The following GYS1 variants were observed in gnomAD, a reference collection of about 807,000 sequenced individuals.
The protein encoded by GYS1 is glycogen synthase 1, also known as glycogen [starch] synthase, muscle.
In GYS1, 60 loss-of-function variants were observed where a neutral mutation model predicts 89.1. The observed-to-expected ratio is 0.67, with a 90% CI of 0.55 to 0.84. GYS1 has a LOEUF of 0.84. Ranked by LOEUF, GYS1 falls within the 40% of genes least tolerant of loss-of-function variation. GYS1 has a pLI of 0.00. For missense variants in GYS1, 888 were observed against 1,003.1 expected, an observed-to-expected ratio of 0.89 and a Z score of 1.55; for synonymous variants, 366 against 401.7, an observed-to-expected ratio of 0.91 and a Z score of 1.06.
Position 48,968,166 on chromosome 19 carries a change from CG to C in GYS1, c.*1121del, listed in dbSNP as rs2038489010. 1 of 453,450 alleles carries C rather than the reference CG, an allele frequency of 2.2e-6. No individual in the cohort carries two copies. The highest frequency in any genetic ancestry group is 2.4e-5 in the Admixed American group (1 of 42,526). The allele number at this position is 453,450 out of a possible 1,614,324, so 28.1% of individuals were successfully genotyped here. On this transcript the variant is annotated 3_prime_UTR_variant, in exon 16 of 16. Coordinates refer to ENST00000323798, the MANE Select transcript of GYS1 (RefSeq NM_002103.5). ...AGATGTATTTTTTTCATCTCATCTC[CG>C]GACACACTCCAATCACACCCCTCCT...
intron 12 of GYS1, 21 bp downstream of exon 12, chr19:48,974,192 T>TG (rs759260559): frequency 2.4e-5 from 38 of 1,581,988 alleles, no homozygotes; most frequent in Middle Eastern, 1.9e-4. Context: ...GACCACGCTG[T>TG]CCCCTGCCCA....
In GYS1 at chr19:48,991,169, C is replaced by T. The variant is rs553157969; in HGVS notation, c.300+133G>A. On this transcript the variant is annotated intron_variant, in intron 2 of 15. Coordinates refer to ENST00000323798, the MANE Select transcript of GYS1 (RefSeq NM_002103.5). The surrounding 1 kb of genome is among the most constrained non-coding windows in gnomAD (Gnocchi z 4.7). The stretch of plus-strand genomic sequence containing the variant: ...CTGCATCTGTCTGGGTGTCCTATCA[C>T]GCCTCCTTCCTGTGTCCAAGCCTGC... The T allele has an allele frequency of 8.8e-5, 83 of 939,612 alleles. 2 individuals are homozygous for T. The highest frequency in any genetic ancestry group is 4.6e-4 in the South Asian group (33 of 72,388). 58.2% of individuals were successfully genotyped at this position (939,612 alleles called of 1,614,324 possible).
chr19:48,977,447 G>A (rs913084969), intron 10 of GYS1, among the ~76,000 whole-genome samples: 6 of 151,930 alleles, frequency 3.9e-5, no homozygotes, highest in Non-Finnish European at 8.8e-5. Flanking sequence ...ATATAAATTA[G>A]CTGGGTGTGG....
chr19:48,985,310 T>A (rs2038824344), intron 5 of GYS1, 151 bp downstream of exon 5: 3 of 766,202 alleles, frequency 3.9e-6, no homozygotes, highest in South Asian at 3.1e-5. Flanking sequence ...GTGCTGAGAT[T>A]ACAGGTGTGA....
At position 48,989,998 on chromosome 19, in the gene GYS1, T is replaced by TGGGGGGC. The variant is rs1555800112; in HGVS notation, c.300+1303_300+1304insGCCCCCC. ...TCCCAGCTGTTGTCTGCCCTTTTGC[T>TGGGGGGC]GGGGGGGGGGGGGGGCTATTCTTAG... On this transcript the variant is annotated intron_variant, in intron 2 of 15. Transcript: ENST00000323798. Among the ~76,000 whole-genome samples, 38 of 49,644 alleles carry TGGGGGGC rather than the reference T, an allele frequency of 7.7e-4. 3 individuals carry two copies. The highest frequency in any genetic ancestry group is 4.8e-3 in the South Asian group (4 of 834). 32.6% of individuals were successfully genotyped at this position (49,644 alleles called of 152,430 possible). A position where few individuals can be genotyped will look rare whatever the true frequency, so the allele number is the denominator to read the frequency against.
Position 48,970,724 on chromosome 19 carries a change from A to T in GYS1, c.1646-15T>A. On this transcript the variant is annotated splice_polypyrimidine_tract_variant and intron_variant, in intron 13 of 15. Transcript: ENST00000323798. ...AATGTAGATACCTGTGGAGGCCAGG[A>T]CCCAGGTTCAGAAAACATCCTGGGG... is the stretch of plus-strand genomic sequence containing the variant. 6.2e-7 allele frequency: 1 copy of T among 1,612,758 alleles called. No homozygotes were observed. Among genetic ancestry groups the T allele is most frequent in the Non-Finnish European group, 8.5e-7 (1 of 1,179,198 alleles).
rs1231166953 is a variant in GYS1 at position 48,991,618 on chromosome 19, C to T, written c.119-135G>A. On this transcript the variant is annotated intron_variant, in intron 1 of 15. Coordinates refer to ENST00000323798, the MANE Select transcript of GYS1 (RefSeq NM_002103.5). This position sits in a 1 kb window ranked among gnomAD's most constrained non-coding sequence, Gnocchi z 4.7. ...TCAGGGGGAAGAGGGGACTGGGAGC[C>T]CATAGTTTGGAGTAGGGGTTGGAAG... The T allele has an allele frequency of 3.2e-6, 3 of 942,496 alleles. No individual in the cohort carries two copies. The highest frequency in any genetic ancestry group is 2.9e-5 in the South Asian group (2 of 68,362). 58.4% of individuals were successfully genotyped at this position (942,496 alleles called of 1,614,324 possible). A position where few individuals can be genotyped will look rare whatever the true frequency, so the allele number is the denominator to read the frequency against.
intron 14 of GYS1, 92 bp from the exon 15 acceptor site, chr19:48,969,947 G>GCAGTGTGCTC: frequency 1.2e-6 from 1 of 811,356 alleles, no homozygotes; most frequent in Non-Finnish European, 2.2e-6. Flanking sequence ...CCTTTATGCA[G>GCAGTGTGCTC]ATGAGCACAC....
chr19:48,987,519 T>C, intron 2 of GYS1, 134 bp from the exon 3 acceptor site: 2 of 636,546 alleles, frequency 3.1e-6, no homozygotes, highest in Non-Finnish European at 5.3e-6. Flanking sequence ...TCTGTTTCCA[T>C]ATCTGCTGCT....
At position 48,969,796 on chromosome 19, in the gene GYS1, G is replaced by C; in HGVS notation, c.1869C>G (p.Tyr623Ter). ...LSKAFPEHFT[Y>*]EPNEADAAQG... The stretch of plus-strand genomic sequence containing the variant: ...TCACCGCATCCGCCTCGTTGGGCTC[G>C]TAGGTGAAGTGCTCTGGAAAGGCCT... The change falls in exon 15 of 16, where the codon TAC becomes TAG. Residue 623 changes from tyrosine (Y) to a stop codon, truncating the protein, a stop_gained. Coordinates refer to ENST00000323798, the MANE Select transcript of GYS1 (RefSeq NM_002103.5). LOFTEE classifies it high-confidence loss of function. 6.2e-7 allele frequency: 1 copy of C among 1,613,934 alleles called. No homozygotes were observed. The highest frequency in any genetic ancestry group is 8.5e-7 in the Non-Finnish European group (1 of 1,179,900).
chr19:48,978,053 T>A, intron 9 of GYS1, 45 bp downstream of exon 9: 2 of 1,607,734 alleles, frequency 1.2e-6, no homozygotes, highest in Non-Finnish European at 1.7e-6. Flanking sequence ...TGAGAGGGGT[T>A]AGTCAGGGCC....
chr19:48,992,914 C>T (rs368411528), intron 1 of GYS1, 81 bp downstream of exon 1: 1 of 843,412 alleles, frequency 1.2e-6, no homozygotes, highest in Non-Finnish European at 2.1e-6. Flanking sequence ...CTAGTAGCCC[C>T]GTCCTCCTAC....
chr19:48,971,068 C>T, intron 12 of GYS1, 45 bp from the exon 13 acceptor site: 1 of 1,326,308 alleles, frequency 7.5e-7, no homozygotes, highest in Non-Finnish European at 1.1e-6. Context: ...CCCTCATCGC[C>T]TACCGTCTTA....
intron 6 of GYS1, 99 bp downstream of exon 6, chr19:48,982,621 C>A (rs772850890): frequency 1.1e-4 from 109 of 968,130 alleles, no homozygotes; most frequent in Non-Finnish European, 1.7e-4. Flanking sequence ...CTCCCTCAGA[C>A]CCAGGAGTCT....
chr19:48,975,785 G>A (rs2038636675), intron 10 of GYS1, among the ~76,000 whole-genome samples: 1 of 151,914 alleles, frequency 6.6e-6, no homozygotes, highest in Admixed American at 6.6e-5. Context: ...AAATTAGCCA[G>A]GCGTGGTGGT....
rs1388270935 is a variant in GYS1 at position 48,991,227 on chromosome 19, C to A, written c.300+75G>T. 3 of 1,506,084 alleles carry A rather than the reference C, an allele frequency of 2.0e-6. No homozygotes were observed. The highest frequency in any genetic ancestry group is 4.5e-5 in the East Asian group (2 of 44,442). The allele number at this position is 1,506,084 out of a possible 1,614,324, so 93.3% of individuals were successfully genotyped here. ...TCTGGCTGGGGCTGTCCACCCTGCA[C>A]CCTCTCCGTCTGTGGCTCCCACCCC... On this transcript the variant is annotated intron_variant, in intron 2 of 15. Transcript: ENST00000323798. The surrounding 1 kb of genome is among the most constrained non-coding windows in gnomAD (Gnocchi z 4.7).
rs566032681 is a variant in GYS1 at position 48,970,478 on chromosome 19, C to G, written c.1809+68G>C. 3.0e-6 allele frequency: 4 copies of G among 1,352,952 alleles called. No individual in the cohort carries two copies. In the Admixed American group the frequency reaches 6.8e-5, roughly 23 times the overall value. 83.8% of individuals were successfully genotyped at this position (1,352,952 alleles called of 1,614,324 possible). ...TACAAGTAGGATGAGACCCTGCACC[C>G]TGCACCAAAGACCCCTAGCCAGGAG... On this transcript the variant is annotated intron_variant, in intron 14 of 15. Transcript: ENST00000323798.
chr19:48,978,189 A>C, intron 8 of GYS1, 32 bp from the exon 9 acceptor site: 1 of 1,562,122 alleles, frequency 6.4e-7, no homozygotes, highest in Non-Finnish European at 8.8e-7. Context: ...GGTCACATAC[A>C]CACCAGCTGC....
rs1432117668 is a variant in GYS1 at position 48,969,632 on chromosome 19, G to A, written c.1891-21C>T. ...TGGGCCTGCATACGGCGATGTGGGT[G>A]CAAACCAGGGTGAGCTGAGGACCTC... On this transcript the variant is annotated intron_variant, in intron 15 of 15. Coordinates refer to ENST00000323798, the MANE Select transcript of GYS1 (RefSeq NM_002103.5). 3 of 1,554,552 alleles carry A rather than the reference G, an allele frequency of 1.9e-6. No individual in the cohort carries two copies. In the African/African-American group the frequency reaches 4.1e-5, roughly 21 times the overall value.
Sources: gnomAD v4.1 joint callset for allele counts (sites outside exome capture counted in the v4.1 genomes callset) on GRCh38, gnomAD v4.1.1 for gene constraint, Gnocchi (gnomAD v3.1) non-coding constraint, MANE v1.5 for transcripts, NCBI Gene and HGNC (gene_info 2026-07-23, HGNC 2026-07-21) for gene names.